The following DPYD variants were observed in gnomAD, a reference collection of about 807,000 sequenced individuals.
The protein encoded by DPYD is dihydropyrimidine dehydrogenase.
In DPYD, 109 loss-of-function variants were observed where a neutral mutation model predicts 116.2. That is an observed-to-expected ratio of 0.94 (90% confidence interval 0.80 to 1.10). DPYD has a LOEUF of 1.10. DPYD is among the 50% of genes least tolerant of loss of function. The probability of loss-of-function intolerance (pLI) is 0.00; values close to 1 mark genes in which losing one functional copy is unlikely to be tolerated. For synonymous variants in DPYD, 440 were observed against 432.0 expected, an observed-to-expected ratio of 1.02 and a Z score of -0.23; for missense variants, 1,302 against 1,254.5, an observed-to-expected ratio of 1.04 and a Z score of -0.57.
chr1:97,343,093 T>C (rs1393643552), intron 16 of DPYD, among the ~76,000 whole-genome samples: 1 of 152,170 alleles, frequency 6.6e-6, no homozygotes, highest in Non-Finnish European at 1.5e-5. Flanking sequence ...TATAAAAGTC[T>C]TTTGAGATTC....
At chr1:97,199,944 T>TA (rs1050032301) in intron 19 of DPYD, among the ~76,000 whole-genome samples, 12 of 151,876 alleles carry the variant, frequency 7.9e-5, no homozygotes, top group East Asian at 1.9e-4. Flanking sequence ...TTTTGCCTAT[T>TA]AAAAAAAAGC....
chr1:97,352,035 G>C (rs773904646), intron 16 of DPYD, among the ~76,000 whole-genome samples: 77 of 152,246 alleles, frequency 5.1e-4, no homozygotes, highest in Admixed American at 3.1e-3. Flanking sequence ...TGGGGTTAAA[G>C]AATCTGGCAC....
chr1:97,532,309 C>A (rs979781224), intron 12 of DPYD, among the ~76,000 whole-genome samples: 1 of 152,042 alleles, frequency 6.6e-6, no homozygotes, highest in South Asian at 2.1e-4. Context: ...GTTTTTGCAT[C>A]CATATTCATC....
Position 97,691,801 on chromosome 1 carries a change from G to A in DPYD, c.681-3C>T. 5 of 1,612,868 alleles carry A rather than the reference G, an allele frequency of 3.1e-6. No individual in the cohort carries two copies. Among genetic ancestry groups the A allele is most frequent in the Non-Finnish European group, 4.2e-6 (5 of 1,179,244 alleles). The stretch of plus-strand genomic sequence containing the variant: ...GGAACTGAGGAATTTCAGAAGTACT[G>A]AAAAGAAAGGAGAAAGAAAAACAGG... On this transcript the variant is annotated splice_polypyrimidine_tract_variant and splice_region_variant and intron_variant, in intron 6 of 22. Transcript: ENST00000370192.
chr1:97,181,868 TTAGA>T (rs1406591428), intron 20 of DPYD, among the ~76,000 whole-genome samples: 1 of 152,096 alleles, frequency 6.6e-6, no homozygotes, highest in Non-Finnish European at 1.5e-5. Context: ...GCTATACACT[TTAGA>T]TAGAGGATTT....
chr1:97,849,709 G>T (rs1670481943), intron 2 of DPYD, among the ~76,000 whole-genome samples: 1 of 152,018 alleles, frequency 6.6e-6, no homozygotes, highest in African/African-American at 2.4e-5. Flanking sequence ...AATAAAGGAA[G>T]ATATTTGATT....
chr1:97,751,604 A>C (rs901904919), intron 3 of DPYD, among the ~76,000 whole-genome samples: 1 of 149,830 alleles, frequency 6.7e-6, no homozygotes, highest in African/African-American at 2.5e-5. Context: ...TCTCTACCAA[A>C]AAACAACAAA....
At chr1:97,220,235 T>G (rs535132291) in intron 19 of DPYD, among the ~76,000 whole-genome samples, 1 of 151,960 alleles carries the variant, frequency 6.6e-6, no homozygotes, top group Non-Finnish European at 1.5e-5. Context: ...ATTCATGGCT[T>G]TATACGAAGA....
At chr1:97,292,290 G>A (rs537229556) in intron 18 of DPYD, among the ~76,000 whole-genome samples, 1 of 152,140 alleles carries the variant, frequency 6.6e-6, no homozygotes, top group Non-Finnish European at 1.5e-5. Flanking sequence ...ATAAAAGAAA[G>A]AGATTTAATT....
chr1:97,566,566 G>A (rs1032684068), intron 11 of DPYD, among the ~76,000 whole-genome samples: 5 of 152,028 alleles, frequency 3.3e-5, no homozygotes, highest in Admixed American at 3.3e-4. Context: ...ATCCTAATTA[G>A]CAATATAATG....
At chr1:97,267,188 T>C (rs963136886) in intron 18 of DPYD, among the ~76,000 whole-genome samples, 1 of 152,152 alleles carries the variant, frequency 6.6e-6, no homozygotes, top group African/African-American at 2.4e-5. Context: ...CTCTCCAGCA[T>C]CTGTTGTTTC....
At chr1:97,659,251 A>T (rs1412241894) in intron 8 of DPYD, among the ~76,000 whole-genome samples, 1 of 152,226 alleles carries the variant, frequency 6.6e-6, no homozygotes, top group Non-Finnish European at 1.5e-5. Flanking sequence ...GCGTAATAAC[A>T]GGTACCTAGA....
At chr1:97,638,946 A>T (rs1657725158) in intron 8 of DPYD, among the ~76,000 whole-genome samples, 1 of 152,148 alleles carries the variant, frequency 6.6e-6, no homozygotes, top group Non-Finnish European at 1.5e-5. Context: ...GATGGGATAA[A>T]CATCCAAACC....
intron 13 of DPYD, among the ~76,000 whole-genome samples, chr1:97,482,449 A>G (rs1392740267): frequency 6.6e-6 from 1 of 152,204 alleles, no homozygotes; most frequent in African/African-American, 2.4e-5. Context: ...AACTTGAAGG[A>G]AAGATACCGT....
intron 18 of DPYD, among the ~76,000 whole-genome samples, chr1:97,236,588 G>T (rs1305817998): frequency 6.6e-6 from 1 of 152,020 alleles, no homozygotes; most frequent in Non-Finnish European, 1.5e-5. Flanking sequence ...GAGCAAAGAG[G>T]ATTTTTAGGA....
chr1:97,653,995 T>A (rs1191414242), intron 8 of DPYD, among the ~76,000 whole-genome samples: 1 of 152,188 alleles, frequency 6.6e-6, no homozygotes, highest in Non-Finnish European at 1.5e-5. Flanking sequence ...GTGATCAATA[T>A]TGTGCGTGTG....
chr1:97,152,926 C>G (rs1264685917), intron 20 of DPYD, among the ~76,000 whole-genome samples: 1 of 152,066 alleles, frequency 6.6e-6, no homozygotes, highest in South Asian at 2.1e-4. Flanking sequence ...ATTTAGAAAT[C>G]CCTTCTCATT....
chr1:97,621,703 A>T (rs111624700), intron 8 of DPYD, among the ~76,000 whole-genome samples: 6 of 152,040 alleles, frequency 3.9e-5, no homozygotes, highest in Non-Finnish European at 8.8e-5. Flanking sequence ...TTATCCAATA[A>T]AAGAAATCAG....
At position 97,820,192 on chromosome 1, in the gene DPYD, G is replaced by C. The variant is rs140811139; in HGVS notation, c.233+7922C>G. On this transcript the variant is annotated intron_variant, in intron 3 of 22. Transcript: ENST00000370192. ...CATAAACAGCTAAAATAATACCTAG[G>C]TTCCAGTAGTAACACAACCCTTAGG... is the stretch of plus-strand genomic sequence containing the variant. Among the ~76,000 whole-genome samples, 918 of 152,118 alleles carry C rather than the reference G, an allele frequency of 6.0e-3. 6 individuals carry two copies. The highest frequency in any genetic ancestry group is 9.7e-3 in the Non-Finnish European group (661 of 67,966).
Sources: allele counts gnomAD v4.1 joint callset (sites outside exome capture counted in the v4.1 genomes callset), GRCh38; gene constraint gnomAD v4.1.1; transcripts MANE v1.5; gene names NCBI Gene and HGNC (gene_info 2026-07-23, HGNC 2026-07-21).